Variants in AKAP6 observed in about 807,000 individuals in gnomAD.
The protein encoded by AKAP6 is A-kinase anchor protein 6.
Under a neutral mutation model 188.5 loss-of-function variants are expected in AKAP6, and 58 were observed. The ratio of observed to expected loss-of-function variants is 0.31; its 90% CI spans 0.25 to 0.38. The LOEUF (loss-of-function observed/expected upper bound fraction) is 0.38, where lower values mean the gene tolerates loss of function less well. AKAP6 is among the 10% of genes least tolerant of loss of function. The pLI is 1.00. For synonymous variants in AKAP6, 989 were observed against 998.6 expected, an observed-to-expected ratio of 0.99 and a Z score of 0.18; for missense variants, 2,710 against 2,740.0, an observed-to-expected ratio of 0.99 and a Z score of 0.24.
At chr14:32,405,820 A>C (rs1209709172) in intron 1 of AKAP6, among the ~76,000 whole-genome samples, 1 of 152,072 alleles carries the variant, frequency 6.6e-6, no homozygotes. Flanking sequence ...ATATTTCCTG[A>C]GGCCTCCCCA....
chr14:32,440,475 A>G (rs936583908), intron 2 of AKAP6, among the ~76,000 whole-genome samples: 2 of 152,102 alleles, frequency 1.3e-5, no homozygotes, highest in Admixed American at 6.5e-5. Context: ...AACTTAAAGT[A>G]TTAAAAAAAA....
chr14:32,776,735 T>G (rs558954930), intron 12 of AKAP6, among the ~76,000 whole-genome samples: 5 of 152,242 alleles, frequency 3.3e-5, no homozygotes, highest in African/African-American at 1.2e-4. Context: ...TATGTTTCTA[T>G]AAGAACACCA....
Position 32,500,007 on chromosome 14 carries a change from C to T in AKAP6, c.325-35547C>T, listed in dbSNP as rs556771464. On this transcript the variant is annotated intron_variant, in intron 2 of 13. Coordinates refer to ENST00000280979, the MANE Select transcript of AKAP6 (RefSeq NM_004274.5). ...CAAAACAATATATCTATATTTAGCT[C>T]TTATCTATAAAAATCTAATTGTAAT... Among the ~76,000 whole-genome samples the T allele has an allele frequency of 3.2e-4, 49 of 152,118 alleles. 2 individuals carry two copies. The South Asian group carries it at 9.5e-3, about 30-fold the overall frequency.
chr14:32,554,278 C>G (rs528562315), intron 4 of AKAP6, among the ~76,000 whole-genome samples: 8 of 152,336 alleles, frequency 5.3e-5, no homozygotes, highest in Non-Finnish European at 1.0e-4. Context: ...GATTTACTCT[C>G]TTGCCTTTTA....
intron 7 of AKAP6, among the ~76,000 whole-genome samples, chr14:32,662,677 C>T (rs867914690): frequency 7.9e-5 from 12 of 152,094 alleles, no homozygotes; most frequent in Non-Finnish European, 1.0e-4. Context: ...GATGGCCAGA[C>T]ACAGTACCTC....
chr14:32,720,415 C>T (rs1316747571), intron 9 of AKAP6, among the ~76,000 whole-genome samples: 1 of 152,072 alleles, frequency 6.6e-6, no homozygotes, highest in Admixed American at 6.6e-5. Flanking sequence ...TCATAGTTAA[C>T]TTAGGAGATA....
In AKAP6 at chr14:32,693,777, A is replaced by G. The variant is rs138100799; in HGVS notation, c.2880-2213A>G. Reference sequence around the variant, plus strand: ...ATCCCTTGAATCAGATACTCTTCTAATTTTGTGGGTGGCATTCCACTTTTT... The same window carrying G: ...ATCCCTTGAATCAGATACTCTTCTAGTTTTGTGGGTGGCATTCCACTTTTT... On this transcript the variant is annotated intron_variant, in intron 8 of 13. Coordinates refer to ENST00000280979, the MANE Select transcript of AKAP6 (RefSeq NM_004274.5). 9.2e-5 allele frequency: 14 copies of G among 151,960 alleles called. No individual in the cohort carries two copies. In the East Asian group the frequency reaches 2.8e-3, roughly 30 times the overall value. The allele number at this position is 151,960 out of a possible 1,614,324, so 9.4% of individuals were successfully genotyped here. A position where few individuals can be genotyped will look rare whatever the true frequency, so the allele number is the denominator to read the frequency against.
intron 2 of AKAP6, chr14:32,473,984 A>T (rs531227372): frequency 6.6e-6 from 1 of 152,010 alleles, no homozygotes; most frequent in Admixed American, 6.6e-5. Flanking sequence ...TGCAGCCTCC[A>T]CCTCCTGGGT....
chr14:32,691,797 G>A (rs1018424347), intron 8 of AKAP6, among the ~76,000 whole-genome samples: 2 of 152,050 alleles, frequency 1.3e-5, no homozygotes, highest in African/African-American at 4.8e-5. Flanking sequence ...GACCTCAGGT[G>A]ATCTATCTGC....
intron 1 of AKAP6, among the ~76,000 whole-genome samples, chr14:32,386,988 A>G (rs1888555090): frequency 6.6e-6 from 1 of 152,100 alleles, no homozygotes; most frequent in Non-Finnish European, 1.5e-5. Context: ...TACCAGTACC[A>G]TGTTGTTTTG....
chr14:32,407,113 C>T lies in AKAP6; in HGVS notation c.-34-26347C>T, dbSNP rs113877868. On this transcript the variant is annotated intron_variant, in intron 1 of 13. Transcript: ENST00000280979. ...TTTATGTGCCTTCCTCATCTTCCTACGTCCACATGTCACAGGACAGGCTGG... is the reference window on the plus strand; with the variant it reads ...TTTATGTGCCTTCCTCATCTTCCTATGTCCACATGTCACAGGACAGGCTGG... 1.5e-3 allele frequency among the ~76,000 whole-genome samples: 228 copies of T among 152,292 alleles called. 1 individual carries two copies. The highest frequency in any genetic ancestry group is 5.2e-3 in the African/African-American group (217 of 41,576).
intron 1 of AKAP6, among the ~76,000 whole-genome samples, chr14:32,349,551 T>C (rs1370569909): frequency 6.6e-6 from 1 of 152,210 alleles, no homozygotes. Flanking sequence ...AGTAATAGGA[T>C]ACAATTTTGG....
intron 1 of AKAP6, among the ~76,000 whole-genome samples, chr14:32,345,170 G>T (rs7149335): frequency 0.38 from 57,700 of 151,986 alleles, 12,221 homozygotes; most frequent in African/African-American, 0.58. Flanking sequence ...TAAAACACAA[G>T]GTTGTCAAGG....
intron 3 of AKAP6, among the ~76,000 whole-genome samples, chr14:32,543,311 CCTTG>C (rs1407593797): frequency 5.3e-5 from 8 of 152,154 alleles, no homozygotes; most frequent in African/African-American, 1.7e-4. Flanking sequence ...TCTTTCTGTG[CCTTG>C]CTTATTTCAC....
chr14:32,542,702 A>G (rs1055995629), intron 3 of AKAP6, among the ~76,000 whole-genome samples: 9 of 152,214 alleles, frequency 5.9e-5, no homozygotes, highest in Non-Finnish European at 1.2e-4. Context: ...TCAGAAAGTG[A>G]AAGCAGGATA....
At chr14:32,742,588 G>T (rs1343952314) in intron 11 of AKAP6, among the ~76,000 whole-genome samples, 1 of 151,902 alleles carries the variant, frequency 6.6e-6, no homozygotes, top group African/African-American at 2.4e-5. Flanking sequence ...TTTGTTTCAA[G>T]AAACTTTTCA....
intron 2 of AKAP6, among the ~76,000 whole-genome samples, chr14:32,457,014 A>G (rs550244981): frequency 3.3e-5 from 5 of 152,098 alleles, no homozygotes; most frequent in Non-Finnish European, 5.9e-5. Flanking sequence ...GACTTTTTTT[A>G]TTGCCCTCTG....
At position 32,397,377 on chromosome 14, in the gene AKAP6, C is replaced by CTT. The variant is rs60314050; in HGVS notation, c.-34-36066_-34-36065dup. The stretch of plus-strand genomic sequence containing the variant: ...AAGTTATCAAAACACTTTTTATTGT[C>CTT]TTTTTTTTTTTTTTTTTTGAGATGG... On this transcript the variant is annotated intron_variant, in intron 1 of 13. Coordinates refer to ENST00000280979, the MANE Select transcript of AKAP6 (RefSeq NM_004274.5). 2.5e-3 allele frequency among the ~76,000 whole-genome samples: 327 copies of CTT among 130,306 alleles called. 2 individuals carry two copies. Among genetic ancestry groups the CTT allele is most frequent in the East Asian group, 6.6e-3 (29 of 4,364 alleles). 85.5% of individuals were successfully genotyped at this position (130,306 alleles called of 152,430 possible). A position where few individuals can be genotyped will look rare whatever the true frequency, so the allele number is the denominator to read the frequency against.
intron 8 of AKAP6, among the ~76,000 whole-genome samples, chr14:32,692,046 T>A (rs1890202661): frequency 2.0e-5 from 3 of 152,308 alleles, no homozygotes; most frequent in African/African-American, 4.8e-5. Flanking sequence ...GCTCATTGGG[T>A]ACCAATGAAA....
Sources: allele counts gnomAD v4.1 joint callset (sites outside exome capture counted in the v4.1 genomes callset), GRCh38; gene constraint gnomAD v4.1.1; transcripts MANE v1.5; gene names NCBI Gene and HGNC (gene_info 2026-07-23, HGNC 2026-07-21).